SPICE1: variants seen among roughly 807,000 people sequenced by gnomAD.
The protein encoded by SPICE1 is spindle and centriole associated protein 1.
A neutral mutation model predicts 102.7 loss-of-function variants in SPICE1; 75 were observed. The ratio of observed to expected loss-of-function variants is 0.73; its 90% confidence interval spans 0.61 to 0.88. SPICE1 has a LOEUF of 0.88. Among genes scored for constraint, SPICE1 ranks in the 40% least tolerant of loss-of-function variants. SPICE1 has a pLI of 0.00. For synonymous variants in SPICE1, 308 were observed against 350.3 expected, an observed-to-expected ratio of 0.88 and a Z score of 1.35; for missense variants, 979 against 1,020.1, an observed-to-expected ratio of 0.96 and a Z score of 0.55.
At chr3:113,454,046 T>C in intron 13 of SPICE1, 96 bp from the exon 14 acceptor site, 2 of 1,195,950 alleles carry the variant, frequency 1.7e-6, no homozygotes, top group Non-Finnish European at 2.3e-6. Context: ...GTTAGAAAAG[T>C]ATTTCAGTAG....
chr3:113,512,643 G>A (rs945211331), intron 1 of SPICE1, among the ~76,000 whole-genome samples: 1 of 152,002 alleles, frequency 6.6e-6, no homozygotes, highest in Non-Finnish European at 1.5e-5. Flanking sequence ...TCCTGATCTC[G>A]TGATCTACCT....
chr3:113,452,345 G>C (rs1935673753), intron 14 of SPICE1, among the ~76,000 whole-genome samples: 1 of 152,212 alleles, frequency 6.6e-6, no homozygotes, highest in East Asian at 1.9e-4. Context: ...AAGATCCCCA[G>C]ATGATTAATA....
At chr3:113,504,866 C>T (rs1218418266) in intron 2 of SPICE1, among the ~76,000 whole-genome samples, 1 of 152,168 alleles carries the variant, frequency 6.6e-6, no homozygotes, top group Non-Finnish European at 1.5e-5. Context: ...CCATCATTTA[C>T]CATTTACTCC....
At chr3:113,474,204 T>G (rs1576632875) in intron 7 of SPICE1, among the ~76,000 whole-genome samples, 2 of 151,746 alleles carry the variant, frequency 1.3e-5, no homozygotes, top group African/African-American at 4.8e-5. Context: ...CATTACATAA[T>G]GGTAAAGGGA....
At chr3:113,494,280 C>A in intron 4 of SPICE1, 138 bp from the exon 5 acceptor site, 1 of 566,564 alleles carries the variant, frequency 1.8e-6, no homozygotes. Flanking sequence ...TAGCAATATC[C>A]TTAAGAACCA....
rs77010565 is a variant in SPICE1, at chr3:113,501,724, T to C, written c.147+1456A>G. Among the ~76,000 whole-genome samples the C allele has an allele frequency of 2.4e-4, 36 of 152,294 alleles. No homozygotes were observed. In the East Asian group the frequency reaches 7.0e-3, roughly 29 times the overall value. On this transcript the variant is annotated intron_variant, in intron 3 of 17. Transcript: ENST00000295872. ...TTGAAACCACAATGAGACAGCACTT[T>C]ACACCTACTAAGAGAACTAAAATGA...
chr3:113,503,131 A>G (rs1327910860), intron 3 of SPICE1, 49 bp downstream of exon 3: 2 of 1,573,588 alleles, frequency 1.3e-6, no homozygotes, highest in Non-Finnish European at 8.7e-7. Flanking sequence ...CAAGTCAAAT[A>G]CCAAATAAAA....
intron 7 of SPICE1, among the ~76,000 whole-genome samples, chr3:113,477,707 G>A (rs1309386179): frequency 3.4e-5 from 5 of 148,344 alleles, no homozygotes; most frequent in African/African-American, 7.4e-5. Context: ...AACACCGCAT[G>A]TTCTCACTCA....
intron 1 of SPICE1, among the ~76,000 whole-genome samples, chr3:113,510,893 T>C (rs1381700627): frequency 6.6e-6 from 1 of 151,620 alleles, no homozygotes; most frequent in Non-Finnish European, 1.5e-5. Flanking sequence ...ATATCCAGAG[T>C]CTACAAGGAA....
chr3:113,465,426 G>A (rs1002364703), intron 11 of SPICE1, among the ~76,000 whole-genome samples: 1 of 152,188 alleles, frequency 6.6e-6, no homozygotes, highest in African/African-American at 2.4e-5. Flanking sequence ...CCACTAAATA[G>A]TAAGTCTCTT....
chr3:113,488,901 G>A lies in SPICE1; in HGVS notation c.611+44C>T, dbSNP rs1553769412. 5.0e-6 allele frequency: 6 copies of A among 1,194,690 alleles called. No individual in the cohort carries two copies. The South Asian group carries it at 7.2e-5, about 14-fold the overall frequency. 74.0% of individuals were successfully genotyped at this position (1,194,690 alleles called of 1,614,324 possible). ...ATAGGCAAACATTGAAATGGCCATG[G>A]AAAAAACCTGAGAGTTGTAAATATT... On this transcript the variant is annotated intron_variant, in intron 7 of 17. Transcript: ENST00000295872.
chr3:113,470,555 G>A (rs529186621), intron 7 of SPICE1, among the ~76,000 whole-genome samples: 11 of 152,344 alleles, frequency 7.2e-5, no homozygotes, highest in African/African-American at 2.6e-4. Flanking sequence ...TGAAATGAAG[G>A]AAGGGTGCTA....
intron 1 of SPICE1, among the ~76,000 whole-genome samples, chr3:113,509,009 A>G (rs1425178433): frequency 6.6e-6 from 1 of 152,204 alleles, no homozygotes; most frequent in Non-Finnish European, 1.5e-5. Context: ...ATTGTTTGGT[A>G]TCATTGATAT....
Position 113,488,995 on chromosome 3 carries a change from C to T in SPICE1, c.561G>A (p.Glu187=), listed in dbSNP as rs1576641754. Residue 187 remains glutamate, a synonymous_variant, in exon 7 of 18, where the codon GAG becomes GAA. Transcript: ENST00000295872. ...VNSQSGESEN[E]NELDNSLNSQ... ...AGTTTAGAGAGTTATCCAACTCATT[C>T]TCATTCTCACTTTCTCCTGACTGGC... 1 of 1,613,654 alleles carries T rather than the reference C, an allele frequency of 6.2e-7. No individual in the cohort carries two copies. The highest frequency in any genetic ancestry group is 8.5e-7 in the Non-Finnish European group (1 of 1,179,698).
intron 1 of SPICE1, among the ~76,000 whole-genome samples, chr3:113,511,805 A>C (rs1486444970): frequency 6.6e-6 from 1 of 151,952 alleles, no homozygotes; most frequent in Non-Finnish European, 1.5e-5. Flanking sequence ...ATTAAAATTC[A>C]AAAAAAATGA....
At chr3:113,514,553 C>A in intron 1 of SPICE1, 1 of 421,720 alleles carries the variant, frequency 2.4e-6, no homozygotes, top group South Asian at 1.7e-5. Flanking sequence ...ACCAAGCTCT[C>A]GCCTCACACA....
At chr3:113,448,733 G>A (rs1935573717) in intron 15 of SPICE1, 1 of 152,102 alleles carries the variant, frequency 6.6e-6, no homozygotes, top group Non-Finnish European at 1.5e-5. Context: ...GTTTCACAGA[G>A]GCTCCTGACT....
At chr3:113,465,404 G>C (rs1237042698) in intron 11 of SPICE1, among the ~76,000 whole-genome samples, 1 of 152,168 alleles carries the variant, frequency 6.6e-6, no homozygotes, top group East Asian at 1.9e-4. Flanking sequence ...TTTAAATGTA[G>C]ACTCTGTCTT....
intron 14 of SPICE1, among the ~76,000 whole-genome samples, chr3:113,450,894 A>G (rs1935637536): frequency 6.6e-6 from 1 of 152,230 alleles, no homozygotes; most frequent in Non-Finnish European, 1.5e-5. Flanking sequence ...TTATATATAA[A>G]TGTGAATAGT....
Sources: gnomAD v4.1 joint callset for allele counts (sites outside exome capture counted in the v4.1 genomes callset) on GRCh38, gnomAD v4.1.1 for gene constraint, MANE v1.5 for transcripts, NCBI Gene and HGNC (gene_info 2026-07-23, HGNC 2026-07-21) for gene names.